ASTN2: variants seen among roughly 807,000 people sequenced by gnomAD.
The protein encoded by ASTN2 is astrotactin 2.
ASTN2 carries 54 observed loss-of-function variants against 139.8 expected under a neutral mutation model. That is an observed-to-expected ratio of 0.39 (90% confidence interval 0.31 to 0.48). ASTN2 has a LOEUF of 0.48. Ranked by LOEUF, ASTN2 falls within the 20% of genes least tolerant of loss-of-function variation. The pLI is 0.95. For missense variants in ASTN2, 1,565 were observed against 1,725.1 expected (o/e 0.91, Z 1.64); for synonymous variants, 756 against 719.5 (o/e 1.05, Z -0.81).
At chr9:116,528,408 T>A (rs74881632) in intron 19 of ASTN2, among the ~76,000 whole-genome samples, 25,470 of 152,118 alleles carry the variant, frequency 0.17, 2,394 homozygotes, top group African/African-American at 0.24. Flanking sequence ...GACCTGACTT[T>A]TTTTGAAAGT....
intron 4 of ASTN2, among the ~76,000 whole-genome samples, chr9:117,134,730 A>G (rs962149375): frequency 6.6e-6 from 1 of 152,108 alleles, no homozygotes; most frequent in Non-Finnish European, 1.5e-5. Flanking sequence ...TAAATACCCC[A>G]AGCCAGCCCA....
chr9:116,956,486 A>T (rs1277890620), intron 10 of ASTN2, among the ~76,000 whole-genome samples: 1 of 148,076 alleles, frequency 6.8e-6, no homozygotes, highest in Non-Finnish European at 1.5e-5. Flanking sequence ...TTTATTTAAC[A>T]TAATATCAAA....
chr9:117,128,371 C>CAAAAAAAAAAAAAAAAAA (rs1167187783), intron 4 of ASTN2, among the ~76,000 whole-genome samples: 5 of 66,444 alleles, frequency 7.5e-5, no homozygotes, highest in African/African-American at 2.9e-4. Context: ...GACACTGTCT[C>CAAAAAAAAAAAAAAAAAA]AAAAAAAAAA....
At position 117,414,804 on chromosome 9, in the gene ASTN2, C is replaced by G; in HGVS notation, c.135G>C (p.Pro45=). The change falls in exon 1 of 23, where the codon CCG becomes CCC. Residue 45 remains proline (P), a synonymous_variant. Transcript: ENST00000313400. This position sits in a 1 kb window ranked among gnomAD's most constrained non-coding sequence, Gnocchi z 4.2. ...CGGCGGTGGCGCCGGCCAGCAGCGG[C>G]GGCGGCGGCAGCAGGAGCAGGAACA... ...LLLFLLLLPP[P]PLLAGATAAA... is the part of the protein sequence containing the mutation. 8.1e-7 allele frequency: 1 copy of G among 1,229,024 alleles called. No individual in the cohort carries two copies. The highest frequency in any genetic ancestry group is 1.0e-6 in the Non-Finnish European group (1 of 985,152). 76.1% of individuals were successfully genotyped at this position (1,229,024 alleles called of 1,614,324 possible).
chr9:116,847,772 C>T (rs965078424), intron 11 of ASTN2, among the ~76,000 whole-genome samples: 11 of 152,346 alleles, frequency 7.2e-5, no homozygotes, highest in East Asian at 1.9e-4. Flanking sequence ...AGCCACACTA[C>T]GCTGCCTTTT....
intron 3 of ASTN2, among the ~76,000 whole-genome samples, chr9:117,209,218 T>C (rs1200718713): frequency 2.0e-5 from 3 of 152,064 alleles, no homozygotes; most frequent in African/African-American, 7.2e-5. Flanking sequence ...ATAACAATTA[T>C]TATAAATGAA....
At chr9:117,106,346 C>A (rs1829102825) in intron 4 of ASTN2, among the ~76,000 whole-genome samples, 1 of 151,932 alleles carries the variant, frequency 6.6e-6, no homozygotes, top group South Asian at 2.1e-4. Flanking sequence ...TGTGCGTCAG[C>A]CCCTTGAGTA....
chr9:116,775,206 C>G (rs550222195), intron 13 of ASTN2, among the ~76,000 whole-genome samples: 33 of 152,102 alleles, frequency 2.2e-4, no homozygotes, highest in African/African-American at 8.0e-4. Context: ...CACTGAGTCC[C>G]TCAGCAGAGG....
In ASTN2 at chr9:117,214,241, C is replaced by T. The variant is rs1341305430; in HGVS notation, c.1015+117G>A. ...CCAACAGAAATCTAAAGCCATAAAT[C>T]CAAAGTGGCTTATCCCAGAAAACAC... is the stretch of plus-strand genomic sequence containing the variant. On this transcript the variant is annotated intron_variant, in intron 3 of 22. Transcript: ENST00000313400. 9 of 1,278,718 alleles carry T rather than the reference C, an allele frequency of 7.0e-6. No homozygotes were observed. In the East Asian group the frequency reaches 1.9e-4, roughly 27 times the overall value. 79.2% of individuals were successfully genotyped at this position (1,278,718 alleles called of 1,614,324 possible). A position where few individuals can be genotyped will look rare whatever the true frequency, so the allele number is the denominator to read the frequency against.
At chr9:116,440,192 C>G (rs1847799582) in intron 22 of ASTN2, among the ~76,000 whole-genome samples, 2 of 152,034 alleles carry the variant, frequency 1.3e-5, no homozygotes, top group African/African-American at 4.8e-5. Flanking sequence ...TAGTCAAAAT[C>G]ATAGCTATTT....
At chr9:116,810,421 C>A (rs762459038) in intron 12 of ASTN2, among the ~76,000 whole-genome samples, 1 of 152,174 alleles carries the variant, frequency 6.6e-6, no homozygotes, top group Non-Finnish European at 1.5e-5. Flanking sequence ...AACTACTTAA[C>A]CTCTCTGTAC....
At chr9:116,586,786 C>T (rs1854161600) in intron 19 of ASTN2, among the ~76,000 whole-genome samples, 1 of 130,856 alleles carries the variant, frequency 7.6e-6, no homozygotes, top group Admixed American at 8.3e-5. Context: ...CCCTTGAATC[C>T]AAAAATCTAA....
At chr9:116,451,959 C>T in intron 20 of ASTN2, among the ~76,000 whole-genome samples, 1 of 151,922 alleles carries the variant, frequency 6.6e-6, no homozygotes, top group East Asian at 1.9e-4. Context: ...TCTTGGTCTT[C>T]TCCTGTCCCT....
intron 18 of ASTN2, among the ~76,000 whole-genome samples, chr9:116,620,053 G>T (rs1856054465): frequency 6.6e-6 from 1 of 152,034 alleles, no homozygotes. Context: ...CTGAATGGTT[G>T]CCTGAAGGAA....
chr9:116,730,815 G>A (rs1280866520), intron 14 of ASTN2, among the ~76,000 whole-genome samples: 1 of 152,160 alleles, frequency 6.6e-6, no homozygotes, highest in Non-Finnish European at 1.5e-5. Flanking sequence ...AACTCCTTCT[G>A]ATTATCAAGT....
intron 20 of ASTN2, among the ~76,000 whole-genome samples, chr9:116,453,091 C>G (rs1483506954): frequency 2.0e-5 from 3 of 152,084 alleles, no homozygotes; most frequent in Admixed American, 6.5e-5. Context: ...CAGTTCTGAG[C>G]TGAGCTCAGT....
At chr9:117,110,558 C>T (rs187026737) in intron 4 of ASTN2, among the ~76,000 whole-genome samples, 145 of 152,232 alleles carry the variant, frequency 9.5e-4, no homozygotes, top group African/African-American at 3.3e-3. Context: ...ATATCAAATA[C>T]AGAGGAGGTT....
chr9:117,006,815 G>A (rs112099620), intron 7 of ASTN2, among the ~76,000 whole-genome samples: 3,422 of 152,120 alleles, frequency 0.022, 143 homozygotes, highest in African/African-American at 0.079. Context: ...CACTACTAGT[G>A]CTAAATAAAC....
intron 19 of ASTN2, among the ~76,000 whole-genome samples, chr9:116,495,290 T>C (rs577479474): frequency 9.2e-5 from 14 of 152,048 alleles, no homozygotes; most frequent in Admixed American, 7.2e-4. Flanking sequence ...AGCACCTGAG[T>C]TTTCCTTTGG....
Sources: gnomAD v4.1 joint callset for allele counts (sites outside exome capture counted in the v4.1 genomes callset) on GRCh38, gnomAD v4.1.1 for gene constraint, Gnocchi (gnomAD v3.1) non-coding constraint, MANE v1.5 for transcripts, NCBI Gene and HGNC (gene_info 2026-07-23, HGNC 2026-07-21) for gene names.